The following DCP2 variants were observed in gnomAD, a reference collection of about 807,000 sequenced individuals.
DCP2 encodes decapping mRNA 2.
In DCP2, 30 loss-of-function variants were observed where a neutral mutation model predicts 56.1. The observed-to-expected ratio is 0.53, with a 90% CI of 0.40 to 0.73. The LOEUF (loss-of-function observed/expected upper bound fraction) is 0.73, where lower values mean the gene tolerates loss of function less well. DCP2 is among the 30% of genes least tolerant of loss of function. DCP2 has a pLI of 0.00. For missense variants in DCP2, 533 were observed against 502.7 expected (o/e 1.06, Z -0.58); for synonymous variants, 197 against 163.3 (o/e 1.21, Z -1.57).
chr5:113,019,732 T>C lies in DCP2; in HGVS notation c.*6248T>C, dbSNP rs961919278. 3.9e-5 allele frequency: 6 copies of C among 152,238 alleles called. No homozygotes were observed. The South Asian group carries it at 8.3e-4, about 21-fold the overall frequency. The allele number at this position is 152,238 out of a possible 1,614,324, so 9.4% of individuals were successfully genotyped here. ...GTTTGCTTATTAGCTTAATACCTTA[T>C]AGTACTTTTAAAAAATCATCCTTGG... On this transcript the variant is annotated 3_prime_UTR_variant, in exon 11 of 11. Coordinates refer to ENST00000389063, the MANE Select transcript of DCP2 (RefSeq NM_152624.6).
Position 112,985,774 on chromosome 5 carries a change from G to T in DCP2, c.54-61G>T, listed in dbSNP as rs77447306. 5,121 of 1,565,506 alleles carry T rather than the reference G, an allele frequency of 3.3e-3. 124 individuals carry two copies. In the African/African-American group the frequency reaches 0.058, roughly 18 times the overall value. ...GGGTCAGGTATGAAGCACTTAAATAGCTTAAGATAAATCGTTATAGTTTGT... is the reference window on the plus strand; with the variant it reads ...GGGTCAGGTATGAAGCACTTAAATATCTTAAGATAAATCGTTATAGTTTGT... On this transcript the variant is annotated intron_variant, in intron 1 of 10. Transcript: ENST00000389063.
At chr5:113,007,876 A>T in intron 8 of DCP2, 62 bp from the exon 9 acceptor site, 1 of 1,404,766 alleles carries the variant, frequency 7.1e-7, no homozygotes, top group Non-Finnish European at 9.7e-7. Context: ...TTCATGGGGT[A>T]TTTTTTTTGT....
chr5:112,984,413 C>G (rs1235279041), intron 1 of DCP2: 3 of 152,042 alleles, frequency 2.0e-5, no homozygotes, highest in Non-Finnish European at 2.9e-5. Context: ...TGGGCCTGAT[C>G]AACCGCCTGG....
intron 7 of DCP2, among the ~76,000 whole-genome samples, chr5:113,003,166 C>T (rs1231902637): frequency 2.7e-5 from 2 of 74,752 alleles, no homozygotes; most frequent in Non-Finnish European, 5.7e-5. Flanking sequence ...CAAAAGCTGA[C>T]TAATTCCTGA....
intron 2 of DCP2, among the ~76,000 whole-genome samples, chr5:112,989,169 A>G (rs1473212727): frequency 1.3e-5 from 2 of 152,174 alleles, no homozygotes; most frequent in East Asian, 1.9e-4. Context: ...ACAGAAGCAC[A>G]GTGTTCAGTG....
At chr5:113,007,070 G>A (rs546367019) in intron 8 of DCP2, among the ~76,000 whole-genome samples, 8 of 152,004 alleles carry the variant, frequency 5.3e-5, no homozygotes, top group Admixed American at 6.6e-5. Context: ...CTTGGGAGGT[G>A]GAGGTTGCAG....
chr5:113,010,309 G>A (rs1749628283), intron 9 of DCP2, among the ~76,000 whole-genome samples: 1 of 150,508 alleles, frequency 6.6e-6, no homozygotes, highest in Non-Finnish European at 1.5e-5. Context: ...GCTTCCCAAA[G>A]TGCTGGGATT....
At position 112,976,975 on chromosome 5, in the gene DCP2, C is replaced by T; in HGVS notation, c.42C>T (p.Asp14=). The T allele has an allele frequency of 1.3e-6, 2 of 1,592,992 alleles. No homozygotes were observed. The highest frequency in any genetic ancestry group is 1.7e-6 in the Non-Finnish European group (2 of 1,164,250). ...TGGAGATTCCCGGCAGCGTCCTGGACGATCTCTGCAGGTACCGCGCTACCC... is the reference window on the plus strand; with the variant it reads ...TGGAGATTCCCGGCAGCGTCCTGGATGATCTCTGCAGGTACCGCGCTACCC... ...KRVEIPGSVL[D]DLCSRFILHI... is the part of the protein sequence containing the mutation. The change falls in exon 1 of 11, where the codon GAC becomes GAT. Residue 14 remains aspartate, a synonymous_variant. Coordinates refer to ENST00000389063, the MANE Select transcript of DCP2 (RefSeq NM_152624.6).
intron 8 of DCP2, among the ~76,000 whole-genome samples, chr5:113,007,191 T>G (rs1393207552): frequency 6.6e-6 from 1 of 152,116 alleles, no homozygotes; most frequent in Non-Finnish European, 1.5e-5. Context: ...TTTGTAAAAA[T>G]TAATACTGCT....
In DCP2 at chr5:113,017,362, T is replaced by C. The variant is rs1749932026; in HGVS notation, c.*3878T>C. ...CTGTCTGTAGGTAAGCAAGTGTTAG[T>C]AAAAACAATTTTGTCAAACAGTACT... On this transcript the variant is annotated 3_prime_UTR_variant, in exon 11 of 11. Transcript: ENST00000389063. 6.6e-6 allele frequency: 1 copy of C among 152,314 alleles called. No individual in the cohort carries two copies. The highest frequency in any genetic ancestry group is 1.5e-5 in the Non-Finnish European group (1 of 68,024). 9.4% of individuals were successfully genotyped at this position (152,314 alleles called of 1,614,324 possible). A position where few individuals can be genotyped will look rare whatever the true frequency, so the allele number is the denominator to read the frequency against.
chr5:113,005,010 A>G (rs937582463), intron 8 of DCP2, among the ~76,000 whole-genome samples: 3 of 151,954 alleles, frequency 2.0e-5, no homozygotes, highest in African/African-American at 7.3e-5. Context: ...CTGTAATCCC[A>G]GCTACTCTAG....
intron 2 of DCP2, among the ~76,000 whole-genome samples, chr5:112,988,793 G>C (rs1048862182): frequency 6.6e-6 from 1 of 152,146 alleles, no homozygotes; most frequent in African/African-American, 2.4e-5. Context: ...ATCTAGTTAA[G>C]GAAACGTAAC....
At chr5:113,007,906 G>A in intron 8 of DCP2, 32 bp from the exon 9 acceptor site, 1 of 1,577,782 alleles carries the variant, frequency 6.3e-7, no homozygotes, top group Non-Finnish European at 8.7e-7. Context: ...TTATGCTATA[G>A]ATTCATATTA....
intron 8 of DCP2, among the ~76,000 whole-genome samples, chr5:113,005,505 C>T (rs1749383792): frequency 6.6e-6 from 1 of 152,066 alleles, no homozygotes; most frequent in Non-Finnish European, 1.5e-5. Flanking sequence ...AAACAGAAAA[C>T]AAGTATTGGT....
intron 2 of DCP2, among the ~76,000 whole-genome samples, chr5:112,990,883 A>T (rs369843376): frequency 1.3e-5 from 2 of 150,886 alleles, no homozygotes; most frequent in African/African-American, 2.4e-5. Context: ...ATTTAATGTG[A>T]TTTTTTTTTT....
intron 1 of DCP2, among the ~76,000 whole-genome samples, chr5:112,977,438 G>C (rs1224514427): frequency 6.6e-6 from 1 of 152,164 alleles, no homozygotes; most frequent in African/African-American, 2.4e-5. Flanking sequence ...AGGATCCCAG[G>C]TACGCGGACC....
chr5:112,991,785 G>T (rs1344057811), intron 2 of DCP2, among the ~76,000 whole-genome samples: 2 of 152,154 alleles, frequency 1.3e-5, no homozygotes, highest in Non-Finnish European at 2.9e-5. Flanking sequence ...AAATGTTCTA[G>T]GTGTTTACAT....
intron 4 of DCP2, among the ~76,000 whole-genome samples, chr5:112,997,002 A>C (rs1748888703): frequency 6.6e-6 from 1 of 152,240 alleles, no homozygotes; most frequent in African/African-American, 2.4e-5. Flanking sequence ...AACCAAATGT[A>C]CATTGGCGTT....
intron 2 of DCP2, among the ~76,000 whole-genome samples, chr5:112,988,376 C>T (rs887814443): frequency 2.0e-5 from 3 of 150,762 alleles, no homozygotes; most frequent in African/African-American, 4.9e-5. Context: ...CTTGTAGTCC[C>T]AGCTACTCCG....
Sources: gnomAD v4.1 joint callset for allele counts (sites outside exome capture counted in the v4.1 genomes callset) on GRCh38, gnomAD v4.1.1 for gene constraint, MANE v1.5 for transcripts, NCBI Gene and HGNC (gene_info 2026-07-23, HGNC 2026-07-21) for gene names.